CALD1: variants seen among roughly 807,000 people sequenced by gnomAD.
The protein encoded by CALD1 is caldesmon.
CALD1 carries 33 observed loss-of-function variants against 99.9 expected under a neutral mutation model. The observed-to-expected ratio is 0.33, with a 90% CI of 0.25 to 0.44. The LOEUF is 0.44. Among genes scored for constraint, CALD1 ranks in the 20% least tolerant of loss-of-function variants. The probability of loss-of-function intolerance (pLI) is 1.00; values close to 1 mark genes in which losing one functional copy is unlikely to be tolerated. For synonymous variants in CALD1, 310 were observed against 325.0 expected, an observed-to-expected ratio of 0.95 and a Z score of 0.50; for missense variants, 861 against 962.1, an observed-to-expected ratio of 0.89 and a Z score of 1.39.
intron 1 of CALD1, among the ~76,000 whole-genome samples, chr7:134,809,792 G>A (rs1025812407): frequency 1.3e-5 from 2 of 152,078 alleles, no homozygotes; most frequent in Non-Finnish European, 2.9e-5. Flanking sequence ...TGCCTTGACG[G>A]CTTACTCACA....
At chr7:134,896,865 G>A (rs1802610456) in intron 3 of CALD1, among the ~76,000 whole-genome samples, 1 of 152,192 alleles carries the variant, frequency 6.6e-6, no homozygotes, top group Non-Finnish European at 1.5e-5. Context: ...TTTTTAATCA[G>A]ACTAGTGAGG....
At chr7:134,934,623 C>A (rs1563110783) in intron 5 of CALD1, among the ~76,000 whole-genome samples, 1 of 152,174 alleles carries the variant, frequency 6.6e-6, no homozygotes, top group Non-Finnish European at 1.5e-5. Flanking sequence ...GTGGCTCACA[C>A]CTGTAATCCC....
intron 7 of CALD1, among the ~76,000 whole-genome samples, chr7:134,942,666 A>G (rs1806542987): frequency 1.3e-5 from 2 of 152,220 alleles, no homozygotes; most frequent in Non-Finnish European, 2.9e-5. Context: ...AAGCCCTAGA[A>G]TAGTGTTAGG....
At chr7:134,830,605 CTA>C (rs1407733981) in intron 1 of CALD1, among the ~76,000 whole-genome samples, 2 of 152,044 alleles carry the variant, frequency 1.3e-5, no homozygotes, top group African/African-American at 4.8e-5. Context: ...TTGTTCCCCT[CTA>C]TGTGTCCATG....
chr7:134,933,451 T>C lies in CALD1; in HGVS notation c.682T>C (p.Leu228=). 5 of 1,613,498 alleles carry C rather than the reference T, an allele frequency of 3.1e-6. No homozygotes were observed. Among genetic ancestry groups the C allele is most frequent in the Non-Finnish European group, 4.2e-6 (5 of 1,179,878 alleles). The change falls in exon 5 of 15, where the codon TTA becomes CTA. Residue 228 remains leucine (L), a synonymous_variant. Transcript: ENST00000361675. ...ESQEETVVMS[L]KNGQISSEEP... ...CCAGGAGGAAACAGTGGTAATGTCA[T>C]TAAAAAATGGGCAGATCAGTTCAGA... is the stretch of plus-strand genomic sequence containing the variant.
In CALD1 at chr7:134,928,748, T is replaced by C; in HGVS notation, c.72-6T>C. 3 of 1,613,050 alleles carry C rather than the reference T, an allele frequency of 1.9e-6. No individual in the cohort carries two copies. The highest frequency in any genetic ancestry group is 2.5e-6 in the Non-Finnish European group (3 of 1,179,548). ...CGCTCAAGAGGTTGTCTTTGTAATG[T>C]TGCAGAATCGCCTACCAGAGGAATG... On this transcript the variant is annotated splice_polypyrimidine_tract_variant and splice_region_variant and intron_variant, in intron 3 of 14. Coordinates refer to ENST00000361675, the MANE Select transcript of CALD1 (RefSeq NM_033138.4).
chr7:134,848,279 C>T (rs1586099303), intron 2 of CALD1, among the ~76,000 whole-genome samples: 2 of 152,230 alleles, frequency 1.3e-5, no homozygotes, highest in Non-Finnish European at 2.9e-5. Context: ...TTTCCTCCTC[C>T]CTTTCGCTAA....
At chr7:134,891,061 G>T (rs1030451458) in intron 3 of CALD1, among the ~76,000 whole-genome samples, 1 of 152,152 alleles carries the variant, frequency 6.6e-6, no homozygotes, top group Non-Finnish European at 1.5e-5. Flanking sequence ...AACTGCACCC[G>T]GATGAACTTT....
the CALD1 span, among the ~76,000 whole-genome samples, chr7:134,722,738 C>T: frequency 6.6e-6 from 1 of 152,078 alleles, no homozygotes; most frequent in Non-Finnish European, 1.5e-5. Context: ...AGTTTTATTT[C>T]TCACTCCTTT....
At chr7:134,867,161 A>ATG (rs1181369584) in intron 2 of CALD1, 1 of 152,238 alleles carries the variant, frequency 6.6e-6, no homozygotes, top group African/African-American at 2.4e-5. Flanking sequence ...TTTATTCATG[A>ATG]TGTTACTGCT....
intron 2 of CALD1, among the ~76,000 whole-genome samples, chr7:134,865,431 G>A (rs1360921976): frequency 6.6e-6 from 1 of 151,678 alleles, no homozygotes; most frequent in African/African-American, 2.4e-5. Flanking sequence ...ACACCCACTC[G>A]TGTGCACAAA....
At chr7:134,792,128 G>A (rs1397689843) in intron 1 of CALD1, among the ~76,000 whole-genome samples, 3 of 152,150 alleles carry the variant, frequency 2.0e-5, no homozygotes, top group African/African-American at 4.8e-5. Flanking sequence ...TCTGGATGGA[G>A]GTTAGAAGTC....
chr7:134,920,457 AG>A (rs1804529983), intron 3 of CALD1: 1 of 1,007,794 alleles, frequency 9.9e-7, no homozygotes, highest in African/African-American at 1.7e-5. Context: ...ATCAAATAAA[AG>A]TAATTGACTA....
intron 3 of CALD1, among the ~76,000 whole-genome samples, chr7:134,906,149 C>CT (rs1803366532): frequency 1.3e-5 from 2 of 151,952 alleles, no homozygotes; most frequent in African/African-American, 4.8e-5. Flanking sequence ...AGGCTGGTCT[C>CT]TAACTCCTGA....
At chr7:134,741,940 G>A (rs1306679257), upstream of CALD1, among the ~76,000 whole-genome samples, 1 of 151,994 alleles carries the variant, frequency 6.6e-6, no homozygotes, top group Non-Finnish European at 1.5e-5. Context: ...GAAAGGTGGT[G>A]TTATTGTCTT....
intron 1 of CALD1, among the ~76,000 whole-genome samples, chr7:134,801,325 AT>A (rs1210895106): frequency 5.3e-5 from 8 of 151,264 alleles, no homozygotes; most frequent in South Asian, 4.2e-4. Flanking sequence ...TGACAAATTC[AT>A]TTTTTTTTAA....
chr7:134,960,177 T>C (rs1808152747), intron 12 of CALD1, 66 bp downstream of exon 12: 1 of 1,548,922 alleles, frequency 6.5e-7, no homozygotes, highest in South Asian at 1.1e-5. Flanking sequence ...GATTTTGATT[T>C]AGGAATCACA....
At chr7:134,796,579 TTTTA>T (rs1483218271) in intron 1 of CALD1, among the ~76,000 whole-genome samples, 1 of 151,946 alleles carries the variant, frequency 6.6e-6, no homozygotes, top group Non-Finnish European at 1.5e-5. Context: ...CTTCTTTCAT[TTTTA>T]TTTATTTATT....
At chr7:134,870,931 G>C (rs1025474706) in intron 3 of CALD1, among the ~76,000 whole-genome samples, 1 of 152,144 alleles carries the variant, frequency 6.6e-6, no homozygotes, top group African/African-American at 2.4e-5. Context: ...AGGCTTCATG[G>C]TTCAGCCAGC....
Sources: gnomAD v4.1 joint callset for allele counts (sites outside exome capture counted in the v4.1 genomes callset) on GRCh38, gnomAD v4.1.1 for gene constraint, MANE v1.5 for transcripts, NCBI Gene and HGNC (gene_info 2026-07-23, HGNC 2026-07-21) for gene names.